ADGRB3: variants seen among roughly 807,000 people sequenced by gnomAD.
ADGRB3 encodes adhesion G protein-coupled receptor B3, also known as brain-specific angiogenesis inhibitor 3.
Under a neutral mutation model 193.4 loss-of-function variants are expected in ADGRB3, and 37 were observed. The ratio of observed to expected loss-of-function variants is 0.19; its 90% CI spans 0.15 to 0.25. The LOEUF (loss-of-function observed/expected upper bound fraction) is 0.25, where lower values mean the gene tolerates loss of function less well. Among genes scored for constraint, ADGRB3 ranks in the 10% least tolerant of loss-of-function variants. The pLI is 1.00. For missense variants in ADGRB3, 1,637 were observed against 1,852.9 expected (o/e 0.88, Z 2.14); for synonymous variants, 690 against 644.2 (o/e 1.07, Z -1.08).
intron 17 of ADGRB3, among the ~76,000 whole-genome samples, chr6:69,208,575 C>A (rs1320203551): frequency 6.6e-6 from 1 of 152,246 alleles, no homozygotes; most frequent in East Asian, 1.9e-4. Flanking sequence ...CATGCTGCAG[C>A]TGTCCACTTT....
In ADGRB3 at chr6:69,220,108, G is replaced by A. The variant is rs187603919; in HGVS notation, c.2481-13182G>A. ...GGATATTGGTTTTTAATGTTTTTGG[G>A]AGATTTTCTCTGAGAATAAAAGTTT... On this transcript the variant is annotated intron_variant, in intron 17 of 31. Transcript: ENST00000370598. Among the ~76,000 whole-genome samples, 5 of 151,986 alleles carry A rather than the reference G, an allele frequency of 3.3e-5. No individual in the cohort carries two copies. The East Asian group carries it at 9.6e-4, about 29-fold the overall frequency.
chr6:69,115,630 A>C (rs1233574397), intron 17 of ADGRB3, among the ~76,000 whole-genome samples: 1 of 152,214 alleles, frequency 6.6e-6, no homozygotes, highest in Admixed American at 6.5e-5. Context: ...AATAAATAAA[A>C]TTGGCAAACA....
At chr6:68,952,131 C>G (rs866467393) in intron 6 of ADGRB3, among the ~76,000 whole-genome samples, 2 of 151,890 alleles carry the variant, frequency 1.3e-5, no homozygotes, top group African/African-American at 4.8e-5. Flanking sequence ...TTAATTTCTA[C>G]CCCCCCAAAG....
intron 16 of ADGRB3, among the ~76,000 whole-genome samples, chr6:69,072,437 C>T (rs1316103347): frequency 4.6e-5 from 7 of 152,050 alleles, no homozygotes; most frequent in African/African-American, 1.7e-4. Context: ...AAGCATTTCT[C>T]GTTTTGAAAC....
chr6:69,293,106 C>T (rs1046849650), intron 20 of ADGRB3, among the ~76,000 whole-genome samples: 14 of 152,150 alleles, frequency 9.2e-5, no homozygotes, highest in African/African-American at 2.9e-4. Context: ...TTTGCAGGCC[C>T]CAGGGGGCAA....
Position 69,043,290 on chromosome 6 carries a change from G to GAGAGAAAGAAAAAAGAAAGAA in ADGRB3, c.2108-4892_2108-4891insGAAAGAAAAAAGAAAGAAAGA, listed in dbSNP as rs1554252049. Among the ~76,000 whole-genome samples the GAGAGAAAGAAAAAAGAAAGAA allele has an allele frequency of 1.4e-4, 12 of 88,088 alleles. No individual in the cohort carries two copies. The East Asian group carries it at 3.0e-3, about 22-fold the overall frequency. The allele number at this position is 88,088 out of a possible 152,430, so 57.8% of individuals were successfully genotyped here. ...GGAAAGAAAAGGAAAGGAAGAAAGA[G>GAGAGAAAGAAAAAAGAAAGAA]AGAAAGAAAGAAAGAAAGAAAGAAA... is the stretch of plus-strand genomic sequence containing the variant. On this transcript the variant is annotated intron_variant, in intron 13 of 31. Transcript: ENST00000370598.
chr6:68,867,809 G>T (rs755505052), intron 3 of ADGRB3, among the ~76,000 whole-genome samples: 4 of 152,160 alleles, frequency 2.6e-5, no homozygotes, highest in Non-Finnish European at 5.9e-5. Context: ...CTGTCCTGCT[G>T]GGTTTCAGAC....
intron 3 of ADGRB3, among the ~76,000 whole-genome samples, chr6:68,862,873 A>G (rs1464816966): frequency 6.6e-6 from 1 of 152,046 alleles, no homozygotes; most frequent in African/African-American, 2.4e-5. Context: ...TCCCACCACA[A>G]ATGATCAAGA....
At chr6:68,976,866 T>C (rs1319384536) in intron 10 of ADGRB3, among the ~76,000 whole-genome samples, 1 of 151,978 alleles carries the variant, frequency 6.6e-6, no homozygotes, top group Non-Finnish European at 1.5e-5. Context: ...GCTACAGATA[T>C]GTGTATAGCA....
At chr6:68,734,925 A>G (rs569941195) in intron 3 of ADGRB3, among the ~76,000 whole-genome samples, 1 of 152,110 alleles carries the variant, frequency 6.6e-6, no homozygotes, top group East Asian at 1.9e-4. Context: ...GGTTTCTACT[A>G]GGGATTTCAG....
chr6:68,750,375 G>A (rs1766172697), intron 3 of ADGRB3, among the ~76,000 whole-genome samples: 1 of 152,034 alleles, frequency 6.6e-6, no homozygotes, highest in African/African-American at 2.4e-5. Flanking sequence ...ATCAAAATAG[G>A]ACATATGTAT....
intron 17 of ADGRB3, among the ~76,000 whole-genome samples, chr6:69,120,999 C>CTT (rs36095516): frequency 0.012 from 1,436 of 123,522 alleles, 28 homozygotes; most frequent in South Asian, 0.029. Context: ...ATGCAGTTAT[C>CTT]TTTTTTTTTT....
chr6:69,086,587 G>A (rs962733415), intron 17 of ADGRB3, among the ~76,000 whole-genome samples: 1 of 152,154 alleles, frequency 6.6e-6, no homozygotes, highest in Admixed American at 6.5e-5. Context: ...TACAGCCAAA[G>A]GTTTGAAAGT....
intron 17 of ADGRB3, among the ~76,000 whole-genome samples, chr6:69,178,554 A>G (rs1381836444): frequency 6.6e-6 from 1 of 152,126 alleles, no homozygotes; most frequent in East Asian, 1.9e-4. Flanking sequence ...CCTATGAGTT[A>G]TGTATTTAAA....
intron 20 of ADGRB3, among the ~76,000 whole-genome samples, chr6:69,247,646 T>C (rs1158867648): frequency 6.6e-6 from 1 of 152,218 alleles, no homozygotes; most frequent in Non-Finnish European, 1.5e-5. Context: ...CCTTATTCTA[T>C]AAGTTATCAA....
intron 20 of ADGRB3, among the ~76,000 whole-genome samples, chr6:69,257,948 C>T (rs543874782): frequency 6.6e-6 from 1 of 152,246 alleles, no homozygotes; most frequent in Non-Finnish European, 1.5e-5. Context: ...TGGTTGTTAT[C>T]CTATAGTGGA....
chr6:69,239,757 G>T (rs1395958279), intron 20 of ADGRB3, among the ~76,000 whole-genome samples: 1 of 151,882 alleles, frequency 6.6e-6, no homozygotes, highest in Non-Finnish European at 1.5e-5. Flanking sequence ...TCACCTAAAG[G>T]TATTTTGATA....
chr6:69,263,404 TA>T (rs1385777546), intron 20 of ADGRB3, among the ~76,000 whole-genome samples: 1 of 152,058 alleles, frequency 6.6e-6, no homozygotes, highest in African/African-American at 2.4e-5. Context: ...TGATGGCACC[TA>T]AATGACTTTT....
At chr6:69,245,752 T>C (rs183168874) in intron 20 of ADGRB3, among the ~76,000 whole-genome samples, 83 of 152,262 alleles carry the variant, frequency 5.5e-4, no homozygotes, top group Non-Finnish European at 9.9e-4. Flanking sequence ...GCACACCTGC[T>C]CTGGGTTCCA....
Sources: allele counts gnomAD v4.1 joint callset (sites outside exome capture counted in the v4.1 genomes callset), GRCh38; gene constraint gnomAD v4.1.1; transcripts MANE v1.5; gene names NCBI Gene and HGNC (gene_info 2026-07-23, HGNC 2026-07-21).